Variants in SDS observed in about 807,000 individuals in gnomAD.
SDS encodes the protein serine dehydratase.
SDS carries 19 observed loss-of-function variants against 29.3 expected under a neutral mutation model. The observed-to-expected ratio is 0.65, with a 90% CI of 0.45 to 0.95. The LOEUF (loss-of-function observed/expected upper bound fraction) is 0.95, where lower values mean the gene tolerates loss of function less well. SDS is among the 40% of genes least tolerant of loss of function. The pLI, the probability that SDS is intolerant of heterozygous loss-of-function variation, is 0.00. For missense variants in SDS, 375 were observed against 439.9 expected (o/e 0.85, Z 1.32); for synonymous variants, 176 against 189.0 (o/e 0.93, Z 0.56).
intron 1 of SDS, among the ~76,000 whole-genome samples, chr12:113,400,935 C>T (rs574647916): frequency 7.9e-5 from 12 of 152,192 alleles, no homozygotes; most frequent in South Asian, 4.1e-4. Context: ...GGGCGGATCA[C>T]GAGGTCAGGA....
chr12:113,394,350 T>TG (rs966102009), intron 6 of SDS, among the ~76,000 whole-genome samples: 2 of 151,194 alleles, frequency 1.3e-5, no homozygotes, highest in Non-Finnish European at 3.0e-5. Context: ...TTTGTTTTTT[T>TG]TTTTTTTTAG....
chr12:113,397,019 A>G, intron 6 of SDS, 146 bp downstream of exon 6: 1 of 703,614 alleles, frequency 1.4e-6, no homozygotes, highest in Non-Finnish European at 2.4e-6. Context: ...TGTACCACTC[A>G]CTGGACGTGG....
At chr12:113,399,241 A>G (rs1957668829) in intron 2 of SDS, 90 bp from the exon 3 acceptor site, 1 of 1,367,964 alleles carries the variant, frequency 7.3e-7, no homozygotes, top group Non-Finnish European at 1.0e-6. Context: ...CCAGGATTCC[A>G]GTGGACACGG....
At position 113,398,838 on chromosome 12, in the gene SDS, C is replaced by T. The variant is rs1275388308; in HGVS notation, c.202G>A (p.Ala68Thr). The T allele has an allele frequency of 5.6e-6, 9 of 1,605,236 alleles. No individual in the cohort carries two copies. The highest frequency in any genetic ancestry group is 4.0e-5 in the African/African-American group (3 of 74,718). Residue 68 changes from alanine (A) to threonine (T), a missense_variant, in exon 4 of 8, where the codon GCA (alanine) becomes ACA (threonine). Physicochemically the swap from Ala to Thr is moderately conservative, Grantham distance 58. Coordinates refer to ENST00000257549, the MANE Select transcript of SDS (RefSeq NM_006843.3). ...AHFVCSSAGN[A>T]GMAAAYAARQ... ...GCCGCATATGCAGCCGCCATGCCTG[C>T]GTTGCCCGCTGCCAGGGTCGGGGGT...
chr12:113,399,692 G>C lies in SDS; in HGVS notation c.17C>G (p.Pro6Arg), dbSNP rs576542510. The change falls in exon 2 of 8, where the codon CCC (proline) becomes CGC (arginine). Residue 6 changes from proline (P) to arginine (R), a missense_variant. Coordinates refer to ENST00000257549, the MANE Select transcript of SDS (RefSeq NM_006843.3). MMSGEPLHVKTPIRDS... is the reference protein window; with the variant it reads MMSGERLHVKTPIRDS... ...ACGGATGGGGGTCTTCACGTGCAGG[G>C]GTTCTCCAGACATCATTCCTGGGAG... 1.3e-5 allele frequency: 20 copies of C among 1,591,412 alleles called. No homozygotes were observed. The highest frequency in any genetic ancestry group is 8.0e-5 in the South Asian group (7 of 87,140).
Position 113,392,713 on chromosome 12 carries a change from G to A in SDS, c.*228C>T. 1 of 543,136 alleles carries A rather than the reference G, an allele frequency of 1.8e-6. No individual in the cohort carries two copies. The highest frequency in any genetic ancestry group is 3.3e-6 in the Non-Finnish European group (1 of 307,672). The allele number at this position is 543,136 out of a possible 1,614,324, so 33.6% of individuals were successfully genotyped here. A position where few individuals can be genotyped will look rare whatever the true frequency, so the allele number is the denominator to read the frequency against. On this transcript the variant is annotated 3_prime_UTR_variant, in exon 8 of 8. Transcript: ENST00000257549. The stretch of plus-strand genomic sequence containing the variant: ...GGGCACTTGTCACGCCAGCAAGTTG[G>A]CTAAGGATGGGCACAGAGCAGTCAC...
At position 113,399,687 on chromosome 12, in the gene SDS, G is replaced by A. The variant is rs191116556; in HGVS notation, c.22C>T (p.His8Tyr). The A allele has an allele frequency of 1.8e-5, 29 of 1,594,016 alleles. No individual in the cohort carries two copies. The African/African-American group carries it at 3.3e-4, about 18-fold the overall frequency. MMSGEPL[H>Y]VKTPIRDSMA... ...CTGTCACGGATGGGGGTCTTCACGT[G>A]CAGGGGTTCTCCAGACATCATTCCT... The change falls in exon 2 of 8, where the codon CAC (histidine) becomes TAC (tyrosine). Residue 8 changes from histidine (H) to tyrosine (Y), a missense_variant. Transcript: ENST00000257549.
At chr12:113,394,587 C>A (rs897448934) in intron 6 of SDS, among the ~76,000 whole-genome samples, 6 of 151,976 alleles carry the variant, frequency 3.9e-5, no homozygotes, top group African/African-American at 7.3e-5. Flanking sequence ...TGATCCACCC[C>A]CCTCGGCCTT....
rs368480339 is a variant in SDS, at chr12:113,393,983, C to T, written c.687G>A (p.Gly229=). The T allele has an allele frequency of 8.2e-5, 133 of 1,614,090 alleles. 1 individual carries two copies. Among genetic ancestry groups the T allele is most frequent in the South Asian group, 6.3e-4 (57 of 91,074 alleles). ...VAKALGVKTV[G]AQALKLFQEH... is the part of the protein sequence containing the mutation. ...CCTGAAACAGCTTCAGGGCCTGAGC[C>T]CCCACAGTCTTCACGCCCAGGGCCT... The change falls in exon 7 of 8, where the codon GGG becomes GGA. Residue 229 remains glycine, a synonymous_variant. Coordinates refer to ENST00000257549, the MANE Select transcript of SDS (RefSeq NM_006843.3).
chr12:113,399,524 C>T (rs1316809707), intron 2 of SDS, 32 bp downstream of exon 2: 1 of 1,516,598 alleles, frequency 6.6e-7, no homozygotes, highest in Non-Finnish European at 8.8e-7. Context: ...ACCTGCCACC[C>T]CTGCCCAGAT....
intron 1 of SDS, among the ~76,000 whole-genome samples, chr12:113,401,090 G>A (rs1346306473): frequency 1.3e-5 from 2 of 152,024 alleles, no homozygotes; most frequent in African/African-American, 4.8e-5. Context: ...CTCCAGCCTC[G>A]TCTACAGATC....
intron 1 of SDS, 37 bp from the exon 2 acceptor site, chr12:113,399,747 G>T: frequency 2.0e-6 from 3 of 1,483,402 alleles, no homozygotes; most frequent in Non-Finnish European, 2.7e-6. Flanking sequence ...GGTTAGGAGA[G>T]CTAGCCCCGG....
chr12:113,399,277 CT>C (rs1957669192), intron 2 of SDS, 126 bp from the exon 3 acceptor site: 1 of 1,080,338 alleles, frequency 9.3e-7, no homozygotes, highest in Admixed American at 2.0e-5. Flanking sequence ...AGAATTTGTT[CT>C]ACCCTTGTCT....
At chr12:113,401,196 G>A (rs1013524298) in intron 1 of SDS, among the ~76,000 whole-genome samples, 1 of 151,780 alleles carries the variant, frequency 6.6e-6, no homozygotes, top group African/African-American at 2.4e-5. Context: ...TTAAATGGAC[G>A]ATCCCAGGAC....
At position 113,399,540 on chromosome 12, in the gene SDS, T is replaced by C. The variant is rs148458566; in HGVS notation, c.153+16A>G. On this transcript the variant is annotated intron_variant, in intron 2 of 7. Coordinates refer to ENST00000257549, the MANE Select transcript of SDS (RefSeq NM_006843.3). ...CCTGCCACCCCTGCCCAGATAATGC[T>C]GACCCGGTCCCGTACCCTCTTGCAG... 4.1e-5 allele frequency: 63 copies of C among 1,547,292 alleles called. No individual in the cohort carries two copies. The African/African-American group carries it at 7.4e-4, about 18-fold the overall frequency.
intron 1 of SDS, among the ~76,000 whole-genome samples, chr12:113,402,897 C>A (rs1957693178): frequency 6.6e-6 from 1 of 152,178 alleles, no homozygotes. Context: ...GCCCTGAAGC[C>A]GCTGTCTGCC....
chr12:113,397,171 A>G lies in SDS; in HGVS notation c.647T>C (p.Ile216Thr), dbSNP rs369239055. 9 of 1,613,982 alleles carry G rather than the reference A, an allele frequency of 5.6e-6. No individual in the cohort carries two copies. The highest frequency in any genetic ancestry group is 3.3e-5 in the Admixed American group (2 of 60,002). ...TAGKLVSLPKITSVAKALGVK... is the reference protein window; with the variant it reads ...TAGKLVSLPKTTSVAKALGVK... ...AGGCACCCCAGCTGCTCACCTGGTG[A>G]TCTTGGGCAGGGAGACAAGTTTGCC... is the stretch of plus-strand genomic sequence containing the variant. The change falls in exon 6 of 8, where the codon ATC becomes ACC. Residue 216 changes from isoleucine (I) to threonine (T), a missense_variant. Physicochemically the swap from Ile to Thr is moderately conservative, Grantham distance 89 (BLOSUM62 -1). Transcript: ENST00000257549.
At chr12:113,398,167 T>C (rs1344514055) in intron 5 of SDS, among the ~76,000 whole-genome samples, 2 of 149,744 alleles carry the variant, frequency 1.3e-5, no homozygotes, top group East Asian at 4.0e-4. Flanking sequence ...ACCTCCTGGG[T>C]TCAAGCGATT....
At chr12:113,400,525 A>C (rs1240400173) in intron 1 of SDS, among the ~76,000 whole-genome samples, 4 of 151,850 alleles carry the variant, frequency 2.6e-5, no homozygotes, top group African/African-American at 4.8e-5. Flanking sequence ...AGGGACACCC[A>C]CACACACAGA....
Sources: gnomAD v4.1 joint callset for allele counts (sites outside exome capture counted in the v4.1 genomes callset) on GRCh38, gnomAD v4.1.1 for gene constraint, MANE v1.5 for transcripts, NCBI Gene and HGNC (gene_info 2026-07-23, HGNC 2026-07-21) for gene names.